The following GRID2 variants were observed in gnomAD, a reference collection of about 807,000 sequenced individuals.
GRID2 encodes glutamate ionotropic receptor delta type subunit 2.
Under a neutral mutation model 114.8 loss-of-function variants are expected in GRID2, and 33 were observed. The ratio of observed to expected loss-of-function variants is 0.29; its 90% CI spans 0.22 to 0.38. The LOEUF (loss-of-function observed/expected upper bound fraction) is 0.38, where lower values mean the gene tolerates loss of function less well. GRID2 is among the 10% of genes least tolerant of loss of function. The pLI is 1.00. For synonymous variants in GRID2, 505 were observed against 449.9 expected (o/e 1.12, Z -1.55); for missense variants, 1,184 against 1,257.7 (o/e 0.94, Z 0.89).
chr4:92,858,400 CA>C (rs902942132), intron 2 of GRID2, among the ~76,000 whole-genome samples: 13 of 152,136 alleles, frequency 8.5e-5, no homozygotes, highest in Non-Finnish European at 1.9e-4. Flanking sequence ...AAGTTGATTT[CA>C]ACCATCATAC....
At chr4:92,424,747 A>G (rs1460269075) in intron 1 of GRID2, among the ~76,000 whole-genome samples, 2 of 151,360 alleles carry the variant, frequency 1.3e-5, no homozygotes. Flanking sequence ...AAAAAACCAC[A>G]AGGACAAGCT....
chr4:92,428,151 A>G (rs1318215021), intron 1 of GRID2, among the ~76,000 whole-genome samples: 1 of 151,850 alleles, frequency 6.6e-6, no homozygotes. Context: ...AGTCCTAGTT[A>G]CTCAGGAGGC....
At chr4:93,060,296 T>C (rs561482640) in intron 2 of GRID2, among the ~76,000 whole-genome samples, 2 of 152,208 alleles carry the variant, frequency 1.3e-5, no homozygotes, top group East Asian at 3.9e-4. Context: ...AAATAAAAAA[T>C]TGGACTTTTC....
At chr4:93,013,086 G>C (rs552978666) in intron 2 of GRID2, among the ~76,000 whole-genome samples, 1 of 152,062 alleles carries the variant, frequency 6.6e-6, no homozygotes, top group East Asian at 1.9e-4. Context: ...AGAAACATTT[G>C]TAAACCACCT....
intron 14 of GRID2, among the ~76,000 whole-genome samples, chr4:93,661,091 A>G (rs1723451027): frequency 6.6e-6 from 1 of 152,336 alleles, no homozygotes; most frequent in South Asian, 2.1e-4. Flanking sequence ...TGCAGAAATG[A>G]AATGGAGAAT....
At chr4:93,021,750 T>G (rs1413285205) in intron 2 of GRID2, among the ~76,000 whole-genome samples, 1 of 146,006 alleles carries the variant, frequency 6.8e-6, no homozygotes, top group Non-Finnish European at 1.5e-5. Context: ...TTATAATTAT[T>G]TATAATATGA....
intron 2 of GRID2, among the ~76,000 whole-genome samples, chr4:93,004,899 TC>T (rs1448212942): frequency 6.6e-6 from 1 of 152,060 alleles, no homozygotes; most frequent in Admixed American, 6.6e-5. Flanking sequence ...TCACTTTGCT[TC>T]CCATTTTAGT....
chr4:92,787,895 G>A (rs1386351502), intron 2 of GRID2, among the ~76,000 whole-genome samples: 2 of 151,748 alleles, frequency 1.3e-5, no homozygotes, highest in South Asian at 2.1e-4. Context: ...TTGTCTGACC[G>A]CTTGATATGC....
intron 2 of GRID2, among the ~76,000 whole-genome samples, chr4:92,701,885 C>T (rs1734691522): frequency 6.6e-6 from 1 of 152,086 alleles, no homozygotes; most frequent in Non-Finnish European, 1.5e-5. Flanking sequence ...CTCTGAGCAA[C>T]CTATGCTAAG....
chr4:92,544,779 C>T (rs977993578), intron 1 of GRID2, among the ~76,000 whole-genome samples: 2 of 152,076 alleles, frequency 1.3e-5, no homozygotes, highest in African/African-American at 4.8e-5. Context: ...TCTGGAATAA[C>T]ACATGCATAG....
At chr4:92,427,719 G>A (rs975161699) in intron 1 of GRID2, among the ~76,000 whole-genome samples, 2 of 152,166 alleles carry the variant, frequency 1.3e-5, no homozygotes, top group Admixed American at 6.5e-5. Flanking sequence ...CTTGGTTTCA[G>A]TTGGTTAAGT....
At chr4:93,454,663 C>G (rs1417232034) in intron 10 of GRID2, among the ~76,000 whole-genome samples, 1 of 152,060 alleles carries the variant, frequency 6.6e-6, no homozygotes, top group Non-Finnish European at 1.5e-5. Context: ...GTTTAGCATT[C>G]TACTAGGGAT....
At chr4:93,168,287 GGAAGAAAGAA>G in intron 4 of GRID2, among the ~76,000 whole-genome samples, 1 of 150,554 alleles carries the variant, frequency 6.6e-6, no homozygotes, top group East Asian at 2.0e-4. Flanking sequence ...AAAGGAAAGG[GGAAGAAAGAA>G]AGAGAAAGAA....
chr4:93,376,819 C>T (rs760704836), intron 8 of GRID2, among the ~76,000 whole-genome samples: 3 of 152,048 alleles, frequency 2.0e-5, no homozygotes, highest in Admixed American at 6.6e-5. Context: ...GGGCCTTCCC[C>T]GGGGTGGAGT....
chr4:93,496,491 G>A (rs1231493863), intron 12 of GRID2, among the ~76,000 whole-genome samples: 1 of 151,576 alleles, frequency 6.6e-6, no homozygotes, highest in African/African-American at 2.4e-5. Context: ...ATTCCATCAC[G>A]GCAAAGATCT....
At chr4:92,333,348 G>A (rs571641737) in intron 1 of GRID2, among the ~76,000 whole-genome samples, 7 of 152,184 alleles carry the variant, frequency 4.6e-5, no homozygotes, top group African/African-American at 1.2e-4. Context: ...CTGGCCATGG[G>A]CAGTGAATGC....
intron 2 of GRID2, among the ~76,000 whole-genome samples, chr4:92,735,871 A>G (rs1736572297): frequency 6.6e-6 from 1 of 152,082 alleles, no homozygotes; most frequent in African/African-American, 2.4e-5. Context: ...AGGTCACATG[A>G]AAACATAACA....
chr4:93,105,855 T>A (rs537315048), intron 3 of GRID2, among the ~76,000 whole-genome samples: 1 of 152,294 alleles, frequency 6.6e-6, no homozygotes, highest in African/African-American at 2.4e-5. Flanking sequence ...ATAATCTCCC[T>A]ATTTTAAGAT....
intron 4 of GRID2, among the ~76,000 whole-genome samples, chr4:93,179,259 C>T (rs6821061): frequency 0.076 from 11,532 of 152,134 alleles, 475 homozygotes; most frequent in East Asian, 0.17. Flanking sequence ...GCAATTGCAG[C>T]CAGGGTAGAT....
Sources: gnomAD v4.1 joint callset for allele counts (sites outside exome capture counted in the v4.1 genomes callset) on GRCh38, gnomAD v4.1.1 for gene constraint, MANE v1.5 for transcripts, NCBI Gene and HGNC (gene_info 2026-07-23, HGNC 2026-07-21) for gene names.